Variants in GPC3 observed in about 807,000 individuals in gnomAD.
GPC3 encodes glypican-3.
GPC3 carries 3 observed loss-of-function variants against 34.4 expected under a neutral mutation model. That is an observed-to-expected ratio of 0.09 (90% CI 0.04 to 0.23). The LOEUF is 0.23. GPC3 is among the 10% of genes least tolerant of loss of function. The pLI is 1.00. For missense variants in GPC3, 351 were observed against 445.6 expected, an observed-to-expected ratio of 0.79 and a Z score of 1.91; for synonymous variants, 177 against 174.0, an observed-to-expected ratio of 1.02 and a Z score of -0.13.
At chrX:133,824,289 G>T (rs1341598990) in intron 2 of GPC3, among the ~76,000 whole-genome samples, 1 of 111,109 alleles carries the variant, frequency 9.0e-6, no homozygotes, top group Non-Finnish European at 1.9e-5. Flanking sequence ...AAACTACAGG[G>T]TGTCTATAAG....
intron 2 of GPC3, among the ~76,000 whole-genome samples, chrX:133,853,659 C>T (rs189162869): frequency 8.7e-4 from 98 of 112,232 alleles, no homozygotes; most frequent in Non-Finnish European, 1.6e-3. Context: ...GGACTCAGTT[C>T]CTGCCCTTGA....
chrX:133,908,153 G>A (rs374621233), intron 2 of GPC3, among the ~76,000 whole-genome samples: 3 of 111,086 alleles, frequency 2.7e-5, no homozygotes, highest in East Asian at 2.8e-4. Context: ...AAGTCAGAGA[G>A]GCCAAAAAAC....
At chrX:133,539,613 C>T (rs2069324558) in intron 7 of GPC3, among the ~76,000 whole-genome samples, 1 of 112,253 alleles carries the variant, frequency 8.9e-6, no homozygotes, top group South Asian at 3.7e-4. Context: ...ACAAAGGTGG[C>T]CAAGTCTTCT....
chrX:133,635,705 C>T (rs1429230615), intron 6 of GPC3, among the ~76,000 whole-genome samples: 1 of 110,491 alleles, frequency 9.1e-6, no homozygotes, highest in East Asian at 2.8e-4. Flanking sequence ...TTTGTTTCTT[C>T]TACTTGCCAG....
At chrX:133,867,506 A>G (rs1410794122) in intron 2 of GPC3, among the ~76,000 whole-genome samples, 4 of 110,011 alleles carry the variant, frequency 3.6e-5, no homozygotes, top group Non-Finnish European at 7.6e-5. Flanking sequence ...TTTGGCATCT[A>G]TTCATCCCAC....
intron 6 of GPC3, among the ~76,000 whole-genome samples, chrX:133,655,506 CCACACA>C (rs763587305): frequency 1.1e-5 from 1 of 94,716 alleles, no homozygotes; most frequent in Non-Finnish European, 2.1e-5. Flanking sequence ...ACACACACAC[CCACACA>C]CACACACACA....
chrX:133,821,738 T>G (rs886861281), intron 2 of GPC3, among the ~76,000 whole-genome samples: 2 of 111,963 alleles, frequency 1.8e-5, no homozygotes, highest in African/African-American at 6.5e-5. Context: ...AAGAAACATT[T>G]GTTGCTTGGT....
intron 3 of GPC3, among the ~76,000 whole-genome samples, chrX:133,706,526 T>C (rs1402049541): frequency 9.0e-6 from 1 of 111,675 alleles, no homozygotes; most frequent in African/African-American, 3.3e-5. Context: ...AATAGCCCCA[T>C]TAAAAAGTGG....
intron 1 of GPC3, among the ~76,000 whole-genome samples, chrX:133,967,650 C>T (rs2076469724): frequency 8.9e-6 from 1 of 111,862 alleles, no homozygotes; most frequent in Non-Finnish European, 1.9e-5. Context: ...TTTTTTGAGA[C>T]AAGATTTTAC....
intron 5 of GPC3, among the ~76,000 whole-genome samples, chrX:133,664,828 T>A (rs868143839): frequency 3.2e-3 from 276 of 85,285 alleles, no homozygotes; most frequent in Non-Finnish European, 4.5e-3. Context: ...AAAAAAAAAA[T>A]AGCCGGGCGT....
chrX:133,587,289 C>CT lies in GPC3; in HGVS notation c.1573+9150dup, dbSNP rs35447018. On this transcript the variant is annotated intron_variant, in intron 7 of 7. Transcript: ENST00000370818. Reference sequence around the variant, plus strand: ...AGTTAAACTGGAATGACAGGATTTCCTTTTTTTTTACTCCACGGCGTACAT... The same window carrying CT: ...AGTTAAACTGGAATGACAGGATTTCCTTTTTTTTTTACTCCACGGCGTACAT... Among the ~76,000 whole-genome samples the CT allele has an allele frequency of 1.1e-4, 12 of 110,556 alleles. No individual in the cohort carries two copies. The South Asian group carries it at 1.9e-3, about 17-fold the overall frequency.
At chrX:133,782,413 G>A (rs1056632025) in intron 2 of GPC3, among the ~76,000 whole-genome samples, 3 of 112,056 alleles carry the variant, frequency 2.7e-5, no homozygotes, top group Non-Finnish European at 5.6e-5. Context: ...ACAAGGAAAA[G>A]ACAAGGCCAA....
intron 2 of GPC3, among the ~76,000 whole-genome samples, chrX:133,896,159 C>T (rs1385462385): frequency 9.0e-6 from 1 of 110,999 alleles, no homozygotes; most frequent in Non-Finnish European, 1.9e-5. Context: ...ATCAGGAGTT[C>T]GAGACCAGGC....
intron 7 of GPC3, among the ~76,000 whole-genome samples, chrX:133,592,189 TATGTATAC>T (rs1316865508): frequency 8.2e-5 from 9 of 109,420 alleles, no homozygotes; most frequent in Non-Finnish European, 1.5e-4. Flanking sequence ...GTTTGTTACA[TATGTATAC>T]ATGTGCCATG....
intron 5 of GPC3, among the ~76,000 whole-genome samples, chrX:133,687,705 C>T (rs1452325061): frequency 1.8e-5 from 2 of 111,219 alleles, no homozygotes; most frequent in African/African-American, 3.3e-5. Flanking sequence ...GGATTACAGG[C>T]GTGAGCCACC....
intron 7 of GPC3, among the ~76,000 whole-genome samples, chrX:133,577,663 A>C (rs142948503): frequency 8.9e-6 from 1 of 112,127 alleles, no homozygotes; most frequent in African/African-American, 3.2e-5. Context: ...TTTGGAAATC[A>C]TTTAGGTCAT....
intron 7 of GPC3, among the ~76,000 whole-genome samples, chrX:133,547,024 C>T (rs778993262): frequency 6.3e-5 from 7 of 111,224 alleles, no homozygotes; most frequent in South Asian, 7.6e-4. Context: ...TTTGCAACAA[C>T]GTGGATGGAA....
chrX:133,584,571 C>T (rs1470808372), intron 7 of GPC3, among the ~76,000 whole-genome samples: 1 of 112,113 alleles, frequency 8.9e-6, no homozygotes, highest in African/African-American at 3.2e-5. Context: ...CTCCACCTTC[C>T]AGGTTCAAGC....
intron 6 of GPC3, among the ~76,000 whole-genome samples, chrX:133,623,474 G>A (rs1456746319): frequency 9.0e-6 from 1 of 111,314 alleles, no homozygotes; most frequent in African/African-American, 3.3e-5. Flanking sequence ...GATCTACCAA[G>A]CAAATGGAAA....
Sources: gnomAD v4.1 joint callset for allele counts (sites outside exome capture counted in the v4.1 genomes callset) on GRCh38, gnomAD v4.1.1 for gene constraint, MANE v1.5 for transcripts, NCBI Gene and HGNC (gene_info 2026-07-23, HGNC 2026-07-21) for gene names.